Variants in FRMD7 observed in about 807,000 individuals in gnomAD.
FRMD7 encodes FERM domain-containing protein 7.
Under a neutral mutation model 44.1 loss-of-function variants are expected in FRMD7, and 14 were observed. The observed-to-expected ratio is 0.32, with a 90% CI of 0.21 to 0.50. FRMD7 has a LOEUF of 0.50. Among genes scored for constraint, FRMD7 ranks in the 20% least tolerant of loss-of-function variants. The pLI, the probability that FRMD7 is intolerant of heterozygous loss-of-function variation, is 0.99. For synonymous variants in FRMD7, 212 were observed against 187.4 expected (o/e 1.13, Z -1.07); for missense variants, 501 against 522.3 (o/e 0.96, Z 0.40).
chrX:132,100,068 G>A (rs996350497), intron 2 of FRMD7, among the ~76,000 whole-genome samples: 2 of 112,270 alleles, frequency 1.8e-5, no homozygotes, highest in African/African-American at 6.5e-5. Context: ...GATAAAGCAT[G>A]CATAGCTGCT....
intron 1 of FRMD7, 117 bp from the exon 2 acceptor site, chrX:132,100,833 T>G: frequency 1.9e-6 from 1 of 532,609 alleles, no homozygotes; most frequent in Non-Finnish European, 3.3e-6. Flanking sequence ...TAAGCACTGT[T>G]TAGAGGACCT....
rs371096333 is a variant in FRMD7, at chrX:132,122,827, G to C, written c.57+4961C>G. 2.7e-5 allele frequency among the ~76,000 whole-genome samples: 3 copies of C among 112,020 alleles called. No individual in the cohort carries two copies. The South Asian group carries it at 1.1e-3, about 41-fold the overall frequency. On this transcript the variant is annotated intron_variant, in intron 1 of 11. Coordinates refer to ENST00000298542, the MANE Select transcript of FRMD7 (RefSeq NM_194277.3). ...AAATGCATAAATTAATGCATGATGA[G>C]CAGAGGCTAATGTCCCCACTTTTAA... is the stretch of plus-strand genomic sequence containing the variant.
At chrX:132,103,854 T>C (rs1928576612) in intron 1 of FRMD7, among the ~76,000 whole-genome samples, 1 of 112,512 alleles carries the variant, frequency 8.9e-6, no homozygotes, top group Admixed American at 9.4e-5. Context: ...GTTTGAATTC[T>C]TGGAATTAAG....
At chrX:132,081,152 G>C (rs1447847952) in intron 9 of FRMD7, among the ~76,000 whole-genome samples, 1 of 111,670 alleles carries the variant, frequency 9.0e-6, no homozygotes, top group Non-Finnish European at 1.9e-5. Context: ...GGCCAAGATG[G>C]TGAAACCCCG....
chrX:132,081,111 G>A (rs2124214460), intron 9 of FRMD7, among the ~76,000 whole-genome samples: 1 of 111,588 alleles, frequency 9.0e-6, no homozygotes, highest in East Asian at 2.8e-4. Context: ...AAGGCTGGTG[G>A]ATTACAAGGT....
intron 1 of FRMD7, among the ~76,000 whole-genome samples, chrX:132,102,287 A>G (rs1928521311): frequency 8.9e-6 from 1 of 111,850 alleles, no homozygotes; most frequent in Non-Finnish European, 1.9e-5. Flanking sequence ...ATTTGGGTTA[A>G]CCCCAGTCCG....
At chrX:132,100,529 G>T (rs1313744739) in intron 2 of FRMD7, 83 bp downstream of exon 2, 1 of 644,220 alleles carries the variant, frequency 1.6e-6, no homozygotes, top group Non-Finnish European at 2.6e-6. Context: ...TTCAATCAGG[G>T]AATTGAACCC....
At chrX:132,107,505 C>G (rs1928674236) in intron 1 of FRMD7, among the ~76,000 whole-genome samples, 1 of 110,005 alleles carries the variant, frequency 9.1e-6, no homozygotes, top group African/African-American at 3.3e-5. Context: ...TTTCTAGAGG[C>G]TGGAGACCTG....
chrX:132,106,327 C>A (rs1454667265), intron 1 of FRMD7, among the ~76,000 whole-genome samples: 1 of 111,745 alleles, frequency 8.9e-6, no homozygotes, highest in African/African-American at 3.3e-5. Context: ...TCACGCAATT[C>A]AAATGGTATT....
chrX:132,100,402 G>C (rs1407368396), intron 2 of FRMD7, among the ~76,000 whole-genome samples: 1 of 112,476 alleles, frequency 8.9e-6, no homozygotes, highest in Non-Finnish European at 1.9e-5. Flanking sequence ...AAAGTGTTGG[G>C]ATTACAGGCA....
At chrX:132,086,215 G>A (rs1055740027) in intron 5 of FRMD7, among the ~76,000 whole-genome samples, 181 bp from the exon 6 acceptor site, 26 of 110,585 alleles carry the variant, frequency 2.4e-4, no homozygotes, top group African/African-American at 8.2e-4. Flanking sequence ...TTTGGGGGGG[G>A]CAATTGGCTC....
At chrX:132,081,084 G>A (rs1398724093) in intron 9 of FRMD7, among the ~76,000 whole-genome samples, 2 of 111,258 alleles carry the variant, frequency 1.8e-5, no homozygotes, top group African/African-American at 3.3e-5. Flanking sequence ...CCTGTAATTC[G>A]AGCACTTTGG....
chrX:132,127,700 A>G, intron 1 of FRMD7, 88 bp downstream of exon 1: 2 of 723,210 alleles, frequency 2.8e-6, no homozygotes, highest in South Asian at 4.2e-5. Context: ...CCTAAAGAAG[A>G]CATAACATTG....
At chrX:132,089,463 C>G (rs1346431342) in intron 5 of FRMD7, among the ~76,000 whole-genome samples, 1 of 111,250 alleles carries the variant, frequency 9.0e-6, no homozygotes, top group Admixed American at 9.5e-5. Context: ...GATACAACAC[C>G]GAAAGAATGA....
chrX:132,127,944 C>T lies in FRMD7; in HGVS notation c.-100G>A. On this transcript the variant is annotated 5_prime_UTR_variant, in exon 1 of 12. An upstream open reading frame in the 5' UTR gains an earlier in-frame stop. Coordinates refer to ENST00000298542, the MANE Select transcript of FRMD7 (RefSeq NM_194277.3). ...TGGATGTGGTGCACTCGGGCCCCCC[C>T]ACCCCCAGCCAGGCATTCCCACTGT... is the stretch of plus-strand genomic sequence containing the variant. 2.9e-6 allele frequency: 2 copies of T among 684,897 alleles called. No individual in the cohort carries two copies. The highest frequency in any genetic ancestry group is 2.3e-5 in the Admixed American group (1 of 44,169). 56.4% of individuals were successfully genotyped at this position (684,897 alleles called of 1,213,427 possible).
chrX:132,108,148 C>G (rs2124263661), intron 1 of FRMD7, among the ~76,000 whole-genome samples: 1 of 111,662 alleles, frequency 9.0e-6, no homozygotes, highest in African/African-American at 3.3e-5. Context: ...TGTCAGAAGC[C>G]AGAAAGAAAA....
intron 1 of FRMD7, among the ~76,000 whole-genome samples, chrX:132,115,822 A>G (rs908450481): frequency 8.9e-6 from 1 of 111,761 alleles, no homozygotes; most frequent in African/African-American, 3.2e-5. Flanking sequence ...AAATGCAGAA[A>G]TGAATAAACA....
At chrX:132,097,956 G>A (rs1928390960) in intron 3 of FRMD7, among the ~76,000 whole-genome samples, 1 of 112,421 alleles carries the variant, frequency 8.9e-6, no homozygotes, top group Non-Finnish European at 1.9e-5. Context: ...GGTATTGGGA[G>A]TAAAAAGACA....
chrX:132,104,518 C>T (rs771769521), intron 1 of FRMD7, among the ~76,000 whole-genome samples: 1 of 110,853 alleles, frequency 9.0e-6, no homozygotes, highest in South Asian at 3.9e-4. Flanking sequence ...CAGTGAAACC[C>T]CATCTCTACT....
Sources: allele counts gnomAD v4.1 joint callset (sites outside exome capture counted in the v4.1 genomes callset), GRCh38; gene constraint gnomAD v4.1.1; transcripts MANE v1.5; gene names NCBI Gene and HGNC (gene_info 2026-07-23, HGNC 2026-07-21).